Variants in TLE4 observed in about 807,000 individuals in gnomAD.
TLE4 encodes transducin-like enhancer protein 4.
A neutral mutation model predicts 92.8 loss-of-function variants in TLE4; 8 were observed. That is an observed-to-expected ratio of 0.09 (90% CI 0.05 to 0.16). The LOEUF (loss-of-function observed/expected upper bound fraction) is 0.16, where lower values mean the gene tolerates loss of function less well. Among genes scored for constraint, TLE4 ranks in the 10% least tolerant of loss-of-function variants. The pLI is 1.00. For synonymous variants in TLE4, 371 were observed against 374.1 expected (o/e 0.99, Z 0.10); for missense variants, 675 against 997.6 (o/e 0.68, Z 4.36).
chr9:79,648,281 G>A (rs1017340598), intron 6 of TLE4, among the ~76,000 whole-genome samples: 1 of 152,116 alleles, frequency 6.6e-6, no homozygotes, highest in Non-Finnish European at 1.5e-5. Context: ...AGGTGCCAGG[G>A]GTACTAAGAG....
intron 8 of TLE4, among the ~76,000 whole-genome samples, chr9:79,658,067 G>C (rs1027566682): frequency 1.3e-5 from 2 of 152,136 alleles, no homozygotes; most frequent in African/African-American, 4.8e-5. Flanking sequence ...CATCTGAGTG[G>C]TGGTGTTTTT....
At chr9:79,593,314 C>G (rs1198680447) in intron 4 of TLE4, among the ~76,000 whole-genome samples, 4 of 152,120 alleles carry the variant, frequency 2.6e-5, no homozygotes, top group Non-Finnish European at 5.9e-5. Flanking sequence ...CTGACCGCAG[C>G]TTTTAATTTC....
intron 5 of TLE4, among the ~76,000 whole-genome samples, chr9:79,616,970 T>C (rs963586079): frequency 2.0e-5 from 3 of 152,208 alleles, no homozygotes; most frequent in South Asian, 2.1e-4. Flanking sequence ...ATGTGTATTA[T>C]ATGTATCAAA....
chr9:79,714,699 C>T (rs2074119139), intron 14 of TLE4, among the ~76,000 whole-genome samples: 1 of 152,210 alleles, frequency 6.6e-6, no homozygotes, highest in African/African-American at 2.4e-5. Flanking sequence ...TCTCATCATG[C>T]TAACTAGATT....
chr9:79,645,730 A>T (rs1416238668), intron 6 of TLE4, among the ~76,000 whole-genome samples: 1 of 152,216 alleles, frequency 6.6e-6, no homozygotes, highest in African/African-American at 2.4e-5. Flanking sequence ...TTTCAGAATT[A>T]AATTAATTAT....
At position 79,675,817 on chromosome 9, in the gene TLE4, G is replaced by A. The variant is rs901479786; in HGVS notation, c.609+21742G>A. Reference sequence around the variant, plus strand: ...TATACCAGTTAAGTATCCCTTATCCGAAATGCTTGGGACTAGAAGTGTTTT... The same window carrying A: ...TATACCAGTTAAGTATCCCTTATCCAAAATGCTTGGGACTAGAAGTGTTTT... On this transcript the variant is annotated intron_variant, in intron 8 of 19. Coordinates refer to ENST00000376552, the MANE Select transcript of TLE4 (RefSeq NM_007005.6). Among the ~76,000 whole-genome samples the A allele has an allele frequency of 1.1e-4, 16 of 152,108 alleles. 1 individual carries two copies. The South Asian group carries it at 1.2e-3, about 12-fold the overall frequency.
intron 6 of TLE4, among the ~76,000 whole-genome samples, chr9:79,640,954 C>G (rs887471519): frequency 6.6e-6 from 1 of 151,850 alleles, no homozygotes; most frequent in African/African-American, 2.4e-5. Flanking sequence ...GAAATAGATT[C>G]ACTTGTATAT....
At chr9:79,713,878 G>A (rs1379519534) in intron 14 of TLE4, among the ~76,000 whole-genome samples, 3 of 137,474 alleles carry the variant, frequency 2.2e-5, no homozygotes, top group Non-Finnish European at 4.8e-5. Flanking sequence ...TGTTGTTGTT[G>A]TTTGAGAGAG....
At chr9:79,677,091 C>CAGTTTTCCCCAACTAGATT (rs1353145157) in intron 8 of TLE4, among the ~76,000 whole-genome samples, 1 of 152,026 alleles carries the variant, frequency 6.6e-6, no homozygotes, top group Non-Finnish European at 1.5e-5. Flanking sequence ...GCAAGTTACT[C>CAGTTTTCCCCAACTAGATT]AGTTTTCCCC....
chr9:79,596,113 T>G (rs2043938748), intron 4 of TLE4, among the ~76,000 whole-genome samples: 1 of 152,124 alleles, frequency 6.6e-6, no homozygotes, highest in South Asian at 2.1e-4. Context: ...CCCAAAGTGC[T>G]GGGATTACAG....
Position 79,572,042 on chromosome 9 carries a change from A to C in TLE4, c.-749A>C, listed in dbSNP as rs906602967. On this transcript the variant is annotated 5_prime_UTR_variant, in exon 1 of 20. Transcript: ENST00000376552. ...TCTTCCCCCTTTCTCACACACTTGT[A>C]TATTATTTTGAGGTGGTGTTCGCAG... 1 of 152,080 alleles carries C rather than the reference A, an allele frequency of 6.6e-6. No homozygotes were observed. The highest frequency in any genetic ancestry group is 1.5e-5 in the Non-Finnish European group (1 of 68,024). 9.4% of individuals were successfully genotyped at this position (152,080 alleles called of 1,614,324 possible).
chr9:79,643,512 T>C (rs1199992363), intron 6 of TLE4, among the ~76,000 whole-genome samples: 3 of 152,256 alleles, frequency 2.0e-5, no homozygotes, highest in Non-Finnish European at 4.4e-5. Flanking sequence ...TTTACTCTTC[T>C]TTAAATCACA....
rs1441111862 is a variant in TLE4 at position 79,718,829 on chromosome 9, C to T, written c.1448C>T (p.Thr483Ile). ...GIPRHARQINTLNHGEVVCAV... is the reference protein window; with the variant it reads ...GIPRHARQINILNHGEVVCAV... ...CCCCGGCATGCTCGCCAGATCAACA[C>T]CCTCAACCACGGGGAGGTGGTGTGC... The change falls in exon 15 of 20, where the codon ACC becomes ATC. Residue 483 changes from threonine (T) to isoleucine (I), a missense_variant. Thr to Ile is a moderately conservative substitution (Grantham distance 89). Transcript: ENST00000376552. 3 of 1,614,064 alleles carry T rather than the reference C, an allele frequency of 1.9e-6. No homozygotes were observed. Among genetic ancestry groups the T allele is most frequent in the South Asian group, 1.1e-5 (1 of 91,088 alleles).
chr9:79,606,184 G>GTTTTTTTTTTTTTTTTTT (rs1288414778), intron 4 of TLE4, among the ~76,000 whole-genome samples: 5 of 18,374 alleles, frequency 2.7e-4, no homozygotes, highest in African/African-American at 4.7e-4. Context: ...AGCAGTAGTA[G>GTTTTTTTTTTTTTTTTTT]TTGTTTTTTT....
At chr9:79,708,346 A>G (rs1471457208) in intron 12 of TLE4, 96 bp downstream of exon 12, 9 of 1,392,360 alleles carry the variant, frequency 6.5e-6, no homozygotes, top group South Asian at 1.3e-5. Flanking sequence ...GCTAATGACC[A>G]GCATTGAATG....
At chr9:79,696,629 C>G (rs1225761132) in intron 8 of TLE4, among the ~76,000 whole-genome samples, 4 of 151,724 alleles carry the variant, frequency 2.6e-5, no homozygotes, top group Non-Finnish European at 5.9e-5. Context: ...TTTAGCCTTT[C>G]AAATAGATTA....
chr9:79,667,164 C>T (rs1381397374), intron 8 of TLE4, among the ~76,000 whole-genome samples: 1 of 152,206 alleles, frequency 6.6e-6, no homozygotes, highest in African/African-American at 2.4e-5. Flanking sequence ...AGGACTGAGA[C>T]TGAGTAAACC....
At chr9:79,697,819 A>G (rs2068679732) in intron 8 of TLE4, among the ~76,000 whole-genome samples, 1 of 152,232 alleles carries the variant, frequency 6.6e-6, no homozygotes, top group Non-Finnish European at 1.5e-5. Context: ...TCTACTACAC[A>G]TGAAGAAAAA....
At chr9:79,576,664 C>G (rs1356093690) in intron 4 of TLE4, 1 of 152,128 alleles carries the variant, frequency 6.6e-6, no homozygotes, top group Non-Finnish European at 1.5e-5. Context: ...AATCCTTGTA[C>G]TGGTCCCCTG....
Sources: gnomAD v4.1 joint callset for allele counts (sites outside exome capture counted in the v4.1 genomes callset) on GRCh38, gnomAD v4.1.1 for gene constraint, MANE v1.5 for transcripts, NCBI Gene and HGNC (gene_info 2026-07-23, HGNC 2026-07-21) for gene names.